Variants in HOMER1 observed in about 807,000 individuals in gnomAD.
HOMER1 encodes the protein homer scaffold protein 1.
Under a neutral mutation model 48.9 loss-of-function variants are expected in HOMER1, and 3 were observed. The observed-to-expected ratio is 0.06, with a 90% confidence interval of 0.03 to 0.16. HOMER1 has a LOEUF of 0.16. Among genes scored for constraint, HOMER1 ranks in the 10% least tolerant of loss-of-function variants. HOMER1 has a pLI of 1.00. For synonymous variants in HOMER1, 134 were observed against 146.4 expected, an observed-to-expected ratio of 0.92 and a Z score of 0.61; for missense variants, 247 against 411.4, an observed-to-expected ratio of 0.60 and a Z score of 3.46.
chr5:79,472,779 T>C (rs1751658853), intron 1 of HOMER1, among the ~76,000 whole-genome samples: 1 of 151,358 alleles, frequency 6.6e-6, no homozygotes. Context: ...ACCCTGTCTC[T>C]AAAAAAAATG....
At chr5:79,470,449 T>C (rs1364561453) in intron 1 of HOMER1, among the ~76,000 whole-genome samples, 2 of 152,182 alleles carry the variant, frequency 1.3e-5, no homozygotes, top group Non-Finnish European at 2.9e-5. Flanking sequence ...TGCTTCTATT[T>C]AACCTTAATG....
intron 8 of HOMER1, among the ~76,000 whole-genome samples, chr5:79,390,543 C>G (rs914854810): frequency 1.3e-5 from 2 of 151,772 alleles, no homozygotes; most frequent in Non-Finnish European, 2.9e-5. Context: ...TGAATTGAGA[C>G]CAAACATAAA....
At chr5:79,431,911 C>G (rs940112550) in intron 5 of HOMER1, among the ~76,000 whole-genome samples, 1 of 152,200 alleles carries the variant, frequency 6.6e-6, no homozygotes, top group African/African-American at 2.4e-5. Context: ...GAAGCAAGAA[C>G]TGGATCCAAT....
At chr5:79,427,624 T>A (rs1750294023) in intron 5 of HOMER1, among the ~76,000 whole-genome samples, 1 of 151,688 alleles carries the variant, frequency 6.6e-6, no homozygotes, top group Non-Finnish European at 1.5e-5. Flanking sequence ...CTTCCTTCCT[T>A]CCTTTCCTTC....
intron 5 of HOMER1, among the ~76,000 whole-genome samples, chr5:79,420,833 GCA>G (rs1561356851): frequency 1.3e-5 from 2 of 152,070 alleles, no homozygotes; most frequent in African/African-American, 4.8e-5. Flanking sequence ...CTTTCACCTG[GCA>G]CAAAGACATG....
intron 1 of HOMER1, among the ~76,000 whole-genome samples, chr5:79,493,208 G>A (rs530733932): frequency 5.7e-4 from 86 of 152,192 alleles, no homozygotes; most frequent in African/African-American, 2.0e-3. Flanking sequence ...CTGAGCCACC[G>A]CACCTGGCTT....
chr5:79,479,778 T>C (rs1204623122), intron 1 of HOMER1, among the ~76,000 whole-genome samples: 1 of 152,036 alleles, frequency 6.6e-6, no homozygotes, highest in Non-Finnish European at 1.5e-5. Context: ...TTAAAATCTA[T>C]CAACTCTCTA....
rs115362698 is a variant in HOMER1 at position 79,437,830 on chromosome 5, C to T, written c.527+1180G>A. Among the ~76,000 whole-genome samples, 1,176 of 152,190 alleles carry T rather than the reference C, an allele frequency of 7.7e-3. 11 individuals carry two copies. Among genetic ancestry groups the T allele is most frequent in the African/African-American group, 0.027 (1,132 of 41,516 alleles). ...CCAACATGCCTGGCCTAAGTTTTTA[C>T]ATATTTTTAGAGACAGGGGTCTCAC... is the stretch of plus-strand genomic sequence containing the variant. On this transcript the variant is annotated intron_variant, in intron 5 of 8. Coordinates refer to ENST00000334082, the MANE Select transcript of HOMER1 (RefSeq NM_004272.5).
chr5:79,441,848 T>A (rs1750745299), intron 4 of HOMER1, among the ~76,000 whole-genome samples: 1 of 152,092 alleles, frequency 6.6e-6, no homozygotes, highest in Non-Finnish European at 1.5e-5. Flanking sequence ...AAATTTTGCA[T>A]ATGCTAAAAA....
At chr5:79,496,145 G>GAAC (rs1255749155) in intron 1 of HOMER1, among the ~76,000 whole-genome samples, 1 of 152,198 alleles carries the variant, frequency 6.6e-6, no homozygotes, top group Non-Finnish European at 1.5e-5. Flanking sequence ...GGAACTAAGT[G>GAAC]AACAACCTGC....
chr5:79,426,772 C>T (rs1353132347), intron 5 of HOMER1, among the ~76,000 whole-genome samples: 1 of 152,004 alleles, frequency 6.6e-6, no homozygotes, highest in Non-Finnish European at 1.5e-5. Flanking sequence ...ATTATATTAT[C>T]TCAAAATGAC....
At position 79,402,523 on chromosome 5, in the gene HOMER1, C is replaced by G. The variant is rs1749558388; in HGVS notation, c.528-468G>C. Among the ~76,000 whole-genome samples the G allele has an allele frequency of 3.9e-5, 6 of 152,140 alleles. No homozygotes were observed. In the South Asian group the frequency reaches 1.2e-3, roughly 32 times the overall value. ...ATACTAAAAAACACAAATACTTTACCAAAATATTCCTAGTAAAGAAAACCT... is the reference window on the plus strand; with the variant it reads ...ATACTAAAAAACACAAATACTTTACGAAAATATTCCTAGTAAAGAAAACCT... On this transcript the variant is annotated intron_variant, in intron 5 of 8. Transcript: ENST00000334082.
At chr5:79,452,890 A>G (rs568469204) in intron 2 of HOMER1, among the ~76,000 whole-genome samples, 7 of 152,344 alleles carry the variant, frequency 4.6e-5, no homozygotes, top group South Asian at 2.1e-4. Flanking sequence ...AAATGTGGCT[A>G]ATAACTGCTC....
At chr5:79,445,573 C>T (rs1225945021) in intron 4 of HOMER1, among the ~76,000 whole-genome samples, 1 of 149,248 alleles carries the variant, frequency 6.7e-6, no homozygotes, top group Non-Finnish European at 1.5e-5. Flanking sequence ...TAACCATTGT[C>T]TCAGTGCTAA....
intron 1 of HOMER1, among the ~76,000 whole-genome samples, chr5:79,462,288 C>A (rs1010362173): frequency 6.6e-6 from 1 of 152,164 alleles, no homozygotes; most frequent in Non-Finnish European, 1.5e-5. Context: ...ACATGAATAA[C>A]CAGAACAGTA....
At chr5:79,476,495 T>C (rs1398114272) in intron 1 of HOMER1, among the ~76,000 whole-genome samples, 1 of 152,142 alleles carries the variant, frequency 6.6e-6, no homozygotes, top group Non-Finnish European at 1.5e-5. Context: ...CCGTTGCCAG[T>C]CTGGGTCTCC....
At chr5:79,389,607 G>A (rs1470068293) in intron 8 of HOMER1, among the ~76,000 whole-genome samples, 1 of 152,160 alleles carries the variant, frequency 6.6e-6, no homozygotes, top group Non-Finnish European at 1.5e-5. Context: ...GATGTGAGGA[G>A]GCCGCATTCA....
At chr5:79,422,537 T>G (rs1297724384) in intron 5 of HOMER1, among the ~76,000 whole-genome samples, 1 of 151,942 alleles carries the variant, frequency 6.6e-6, no homozygotes, top group Admixed American at 6.5e-5. Flanking sequence ...AAAAATTCCC[T>G]GACCATATGC....
chr5:79,488,498 T>C (rs1421936569), intron 1 of HOMER1, among the ~76,000 whole-genome samples: 1 of 152,228 alleles, frequency 6.6e-6, no homozygotes, highest in East Asian at 1.9e-4. Flanking sequence ...AGTTTTAGTA[T>C]GGTAAACCAG....
Sources: gnomAD v4.1 joint callset for allele counts (sites outside exome capture counted in the v4.1 genomes callset) on GRCh38, gnomAD v4.1.1 for gene constraint, MANE v1.5 for transcripts, NCBI Gene and HGNC (gene_info 2026-07-23, HGNC 2026-07-21) for gene names.